ATRNL1: variants seen among roughly 807,000 people sequenced by gnomAD.
ATRNL1 encodes the protein attractin like 1, also known as attractin-like protein 1.
In ATRNL1, 95 loss-of-function variants were observed where a neutral mutation model predicts 182.7. The observed-to-expected ratio is 0.52, with a 90% confidence interval of 0.44 to 0.62. The LOEUF (loss-of-function observed/expected upper bound fraction) is 0.62, where lower values mean the gene tolerates loss of function less well. Ranked by LOEUF, ATRNL1 falls within the 20% of genes least tolerant of loss-of-function variation. The pLI is 0.00. For synonymous variants in ATRNL1, 576 were observed against 568.3 expected (o/e 1.01, Z -0.19); for missense variants, 1,471 against 1,679.5 (o/e 0.88, Z 2.17).
chr10:115,351,896 A>G lies in ATRNL1; in HGVS notation c.3175+17477A>G, dbSNP rs529557689. On this transcript the variant is annotated intron_variant, in intron 19 of 28. Coordinates refer to ENST00000355044, the MANE Select transcript of ATRNL1 (RefSeq NM_207303.4). ...TAGAATATAATAAGTAGAATTTGTT[A>G]GTTCTTCTGTAAATGATTTGTAGAA... Among the ~76,000 whole-genome samples the G allele has an allele frequency of 4.6e-5, 7 of 152,212 alleles. No individual in the cohort carries two copies. The South Asian group carries it at 1.5e-3, about 32-fold the overall frequency.
At chr10:115,520,925 A>G (rs1011666855) in intron 25 of ATRNL1, among the ~76,000 whole-genome samples, 4 of 152,166 alleles carry the variant, frequency 2.6e-5, no homozygotes, top group African/African-American at 9.7e-5. Flanking sequence ...CTATAAACAT[A>G]TTTATCACTA....
chr10:115,153,112 G>A lies in ATRNL1; in HGVS notation c.830-6928G>A, dbSNP rs182807050. On this transcript the variant is annotated intron_variant, in intron 5 of 28. Coordinates refer to ENST00000355044, the MANE Select transcript of ATRNL1 (RefSeq NM_207303.4). ...AGCTTTTTGATGTGTTGCTGGATTC[G>A]GTTTGCCAGGATTTTATTGAGGATT... Among the ~76,000 whole-genome samples, 21 of 152,180 alleles carry A rather than the reference G, an allele frequency of 1.4e-4. No homozygotes were observed. The East Asian group carries it at 3.5e-3, about 25-fold the overall frequency.
At chr10:115,905,574 C>A (rs995170270) in intron 28 of ATRNL1, among the ~76,000 whole-genome samples, 22 of 152,024 alleles carry the variant, frequency 1.4e-4, no homozygotes, top group Non-Finnish European at 3.1e-4. Context: ...ATCTGATGCC[C>A]AGAATCTATG....
chr10:115,759,987 C>T (rs911255799), intron 27 of ATRNL1, among the ~76,000 whole-genome samples: 5 of 151,332 alleles, frequency 3.3e-5, no homozygotes, highest in Admixed American at 6.6e-5. Flanking sequence ...CCACTGTACC[C>T]GGCCTGAGTA....
At chr10:115,305,510 G>A (rs1479325327) in intron 17 of ATRNL1, among the ~76,000 whole-genome samples, 1 of 152,072 alleles carries the variant, frequency 6.6e-6, no homozygotes, top group Non-Finnish European at 1.5e-5. Context: ...GCATAAAATG[G>A]CCTTTGTGCA....
chr10:115,487,561 T>G (rs1849085796), intron 24 of ATRNL1, among the ~76,000 whole-genome samples: 1 of 152,108 alleles, frequency 6.6e-6, no homozygotes. Context: ...AATGCTTATG[T>G]TTTTTGCACA....
chr10:115,173,259 T>A (rs1485480924), intron 8 of ATRNL1, among the ~76,000 whole-genome samples: 1 of 151,876 alleles, frequency 6.6e-6, no homozygotes, highest in African/African-American at 2.4e-5. Context: ...TAAGCAAGAG[T>A]TAACAGATGT....
chr10:115,525,817 G>A (rs543842777), intron 25 of ATRNL1, among the ~76,000 whole-genome samples: 1 of 152,122 alleles, frequency 6.6e-6, no homozygotes, highest in African/African-American at 2.4e-5. Flanking sequence ...AAACCAATGA[G>A]TTTTTATTTA....
At chr10:115,639,805 T>C (rs554345746) in intron 26 of ATRNL1, among the ~76,000 whole-genome samples, 3 of 152,164 alleles carry the variant, frequency 2.0e-5, no homozygotes, top group African/African-American at 7.2e-5. Context: ...GGTTTTTTTT[T>C]CAATTTTTTT....
chr10:115,456,572 A>G (rs1406419520), intron 21 of ATRNL1, among the ~76,000 whole-genome samples: 5 of 152,172 alleles, frequency 3.3e-5, no homozygotes, highest in Non-Finnish European at 7.4e-5. Context: ...ACCATGGCAC[A>G]TGTATACCTA....
chr10:115,686,519 G>A (rs530110381), intron 26 of ATRNL1, among the ~76,000 whole-genome samples: 6 of 152,010 alleles, frequency 3.9e-5, no homozygotes, highest in African/African-American at 1.4e-4. Flanking sequence ...CCCATTCCTA[G>A]AATGTAAAAG....
chr10:115,600,303 T>C (rs1317275924), intron 26 of ATRNL1, among the ~76,000 whole-genome samples: 7 of 152,146 alleles, frequency 4.6e-5, no homozygotes, highest in African/African-American at 1.7e-4. Context: ...TGTAAATATG[T>C]TTGATTTTAT....
chr10:115,680,247 A>G (rs782710909), intron 26 of ATRNL1, among the ~76,000 whole-genome samples: 2 of 152,220 alleles, frequency 1.3e-5, no homozygotes, highest in Non-Finnish European at 2.9e-5. Flanking sequence ...TCTCACTTCT[A>G]AGGCATATCT....
Position 115,300,115 on chromosome 10 carries a change from A to G in ATRNL1, c.2497A>G (p.Thr833Ala), listed in dbSNP as rs1375313139. Reference protein sequence around the residue: ...WEDMSPFTNTTLQWLPGEPND... With the variant: ...WEDMSPFTNTALQWLPGEPND... ...AGACATGTCTCCTTTTACAAACACA[A>G]CACTACAGTGGCTTCCTGGCGAACC... is the stretch of plus-strand genomic sequence containing the variant. The change falls in exon 16 of 29, where the codon ACA becomes GCA. Residue 833 changes from threonine to alanine, a missense_variant. Around this residue, in one of 3 missense-constraint regions of ATRNL1, gnomAD observed 1,031 missense variants for 1,156.0 expected, o/e 0.89. Coordinates refer to ENST00000355044, the MANE Select transcript of ATRNL1 (RefSeq NM_207303.4). The G allele has an allele frequency of 1.2e-6, 2 of 1,613,902 alleles. No individual in the cohort carries two copies. The highest frequency in any genetic ancestry group is 8.5e-7 in the Non-Finnish European group (1 of 1,179,924).
chr10:115,320,679 C>G (rs1854536575), intron 18 of ATRNL1, among the ~76,000 whole-genome samples: 1 of 151,988 alleles, frequency 6.6e-6, no homozygotes. Flanking sequence ...CACTTCGTCA[C>G]TTCGGCTATT....
intron 25 of ATRNL1, among the ~76,000 whole-genome samples, chr10:115,525,047 C>T (rs565427521): frequency 1.3e-5 from 2 of 152,092 alleles, no homozygotes; most frequent in Admixed American, 6.5e-5. Context: ...GTTTCAGGGA[C>T]CTTCCTTCTA....
chr10:115,157,889 A>T (rs1470228568), intron 5 of ATRNL1, among the ~76,000 whole-genome samples: 1 of 152,136 alleles, frequency 6.6e-6, no homozygotes, highest in Non-Finnish European at 1.5e-5. Flanking sequence ...TTGGTGATTT[A>T]AAAATGTACC....
intron 27 of ATRNL1, among the ~76,000 whole-genome samples, chr10:115,760,447 A>G (rs1169914736): frequency 1.3e-5 from 2 of 152,128 alleles, no homozygotes; most frequent in Admixed American, 6.5e-5. Context: ...AAACATTCCT[A>G]AATGGTAAGT....
chr10:115,650,967 T>C (rs1859954450), intron 26 of ATRNL1, among the ~76,000 whole-genome samples: 1 of 152,178 alleles, frequency 6.6e-6, no homozygotes, highest in Admixed American at 6.6e-5. Flanking sequence ...TATTTTAATT[T>C]GCCCATTGTG....
Sources: gnomAD v4.1 joint callset for allele counts (sites outside exome capture counted in the v4.1 genomes callset) on GRCh38, gnomAD v4.1.1 for gene constraint, gnomAD v4.1.1 regional missense constraint, MANE v1.5 for transcripts, NCBI Gene and HGNC (gene_info 2026-07-23, HGNC 2026-07-21) for gene names.